PDE1C: variants seen among roughly 807,000 people sequenced by gnomAD.
The protein encoded by PDE1C is phosphodiesterase 1C.
PDE1C carries 62 observed loss-of-function variants against 93.1 expected under a neutral mutation model. That is an observed-to-expected ratio of 0.67 (90% confidence interval 0.54 to 0.82). The LOEUF (loss-of-function observed/expected upper bound fraction) is 0.82. Among genes scored for constraint, PDE1C ranks in the 40% least tolerant of loss-of-function variants. The pLI is 0.00. For synonymous variants in PDE1C, 325 were observed against 310.1 expected (o/e 1.05, Z -0.50); for missense variants, 742 against 884.6 (o/e 0.84, Z 2.04).
upstream of PDE1C, among the ~76,000 whole-genome samples, chr7:32,074,004 A>G (rs1450391002): frequency 3.3e-5 from 5 of 151,842 alleles, no homozygotes; most frequent in East Asian, 9.6e-4. Flanking sequence ...GCATACATAC[A>G]TACATATATA....
chr7:31,847,700 T>C (rs2128794294), intron 9 of PDE1C, among the ~76,000 whole-genome samples: 1 of 152,264 alleles, frequency 6.6e-6, no homozygotes, highest in Non-Finnish European at 1.5e-5. Context: ...AAAAGCAATG[T>C]AAAGATGGCA....
chr7:31,970,818 G>A lies in PDE1C; in HGVS notation c.128+80736C>T, dbSNP rs922232195. Among the ~76,000 whole-genome samples, 4 of 152,304 alleles carry A rather than the reference G, an allele frequency of 2.6e-5. No individual in the cohort carries two copies. In the East Asian group the frequency reaches 7.7e-4, roughly 29 times the overall value. On this transcript the variant is annotated intron_variant, in intron 2 of 17. Coordinates refer to ENST00000396191, the MANE Select transcript of PDE1C (RefSeq NM_001191057.4). ...ACATGAGCTGTGTAGCATAATGTTT[G>A]TTTTCCATGTTGATCTGCAAAAGAG... is the stretch of plus-strand genomic sequence containing the variant.
chr7:32,149,527 T>C (rs1432574259), intron 3 of PDE1C, among the ~76,000 whole-genome samples: 2 of 152,222 alleles, frequency 1.3e-5, no homozygotes, highest in East Asian at 1.9e-4. Context: ...TTATATTACA[T>C]TGCAAAAACA....
At chr7:31,773,159 T>TGTTACACA in intron 17 of PDE1C, among the ~76,000 whole-genome samples, 1 of 152,322 alleles carries the variant, frequency 6.6e-6, no homozygotes, top group African/African-American at 2.4e-5. Context: ...TAATTATGTC[T>TGTTACACA]GGTGTTTTGA....
intron 1 of PDE1C, among the ~76,000 whole-genome samples, chr7:32,221,012 C>T (rs1806818372): frequency 2.6e-5 from 4 of 152,114 alleles, no homozygotes; most frequent in Admixed American, 1.3e-4. Context: ...TGCCATCCTT[C>T]CAGAGGTCTT....
chr7:31,688,295 G>A, the PDE1C span, among the ~76,000 whole-genome samples: 1 of 152,310 alleles, frequency 6.6e-6, no homozygotes, highest in South Asian at 2.1e-4. Flanking sequence ...GCTAGAGAGT[G>A]GTACAAGCAG....
chr7:32,161,460 T>G (rs1469055872), intron 3 of PDE1C, among the ~76,000 whole-genome samples: 1 of 152,212 alleles, frequency 6.6e-6, no homozygotes, highest in East Asian at 1.9e-4. Flanking sequence ...TCCCTGTAAG[T>G]CTACAGGTTG....
intron 3 of PDE1C, among the ~76,000 whole-genome samples, chr7:32,157,583 T>C (rs11973919): frequency 0.17 from 26,303 of 151,940 alleles, 2,306 homozygotes; most frequent in Middle Eastern, 0.21. Context: ...TATTGGGACA[T>C]TTGGTGAAAT....
At chr7:32,145,832 G>T (rs573706278) in intron 3 of PDE1C, among the ~76,000 whole-genome samples, 1 of 152,174 alleles carries the variant, frequency 6.6e-6, no homozygotes, top group East Asian at 1.9e-4. Context: ...ACACAAAGTG[G>T]CAGAGGCAGG....
intron 1 of PDE1C, among the ~76,000 whole-genome samples, chr7:32,371,277 G>A (rs1376165250): frequency 2.6e-5 from 4 of 152,034 alleles, no homozygotes. Context: ...CTTCCTCAGG[G>A]AAACCTCCCT....
At chr7:31,942,316 G>A (rs1317676817) in intron 2 of PDE1C, among the ~76,000 whole-genome samples, 2 of 152,036 alleles carry the variant, frequency 1.3e-5, no homozygotes, top group Admixed American at 1.3e-4. Context: ...CAGTTTCAGG[G>A]TCACTAGCTC....
At chr7:31,768,266 T>C (rs1369352891) in intron 17 of PDE1C, among the ~76,000 whole-genome samples, 1 of 152,146 alleles carries the variant, frequency 6.6e-6, no homozygotes, top group Non-Finnish European at 1.5e-5. Context: ...GCTGAATAAA[T>C]GCTAAGAAGG....
At chr7:32,078,515 C>T (rs1563291709) in intron 3 of PDE1C, among the ~76,000 whole-genome samples, 1 of 152,110 alleles carries the variant, frequency 6.6e-6, no homozygotes, top group Non-Finnish European at 1.5e-5. Flanking sequence ...GTGGAAAGGT[C>T]CACAGCAGCC....
At chr7:31,971,435 TTCC>T (rs1810945612) in intron 2 of PDE1C, among the ~76,000 whole-genome samples, 1 of 152,178 alleles carries the variant, frequency 6.6e-6, no homozygotes, top group Non-Finnish European at 1.5e-5. Flanking sequence ...GCAGCTCAGT[TTCC>T]TCATCAATCA....
intron 2 of PDE1C, among the ~76,000 whole-genome samples, chr7:31,921,742 A>G (rs1445788832): frequency 6.6e-6 from 1 of 152,218 alleles, no homozygotes; most frequent in Admixed American, 6.5e-5. Context: ...GCATAACCAG[A>G]TATCTATTTT....
At chr7:31,901,122 GTAGCATTA>G (rs1292866758) in intron 2 of PDE1C, among the ~76,000 whole-genome samples, 2 of 115,996 alleles carry the variant, frequency 1.7e-5, no homozygotes, top group Non-Finnish European at 3.7e-5. Flanking sequence ...ATGCCCTCTA[GTAGCATTA>G]TTTACAAAAA....
At chr7:31,785,699 C>T (rs538691890) in intron 16 of PDE1C, 10 of 152,210 alleles carry the variant, frequency 6.6e-5, no homozygotes, top group South Asian at 6.2e-4. Context: ...GGCCTGCTTC[C>T]CATTTTTCTA....
intron 1 of PDE1C, among the ~76,000 whole-genome samples, chr7:32,418,173 C>T (rs924664325): frequency 6.6e-6 from 1 of 152,196 alleles, no homozygotes; most frequent in African/African-American, 2.4e-5. Flanking sequence ...GAAACTTCCT[C>T]AGTACTATGG....
chr7:31,882,665 A>T (rs1289582938), intron 2 of PDE1C, among the ~76,000 whole-genome samples: 1 of 152,244 alleles, frequency 6.6e-6, no homozygotes, highest in Non-Finnish European at 1.5e-5. Flanking sequence ...TAAACTTCTT[A>T]AAAATGCCTC....
Sources: allele counts gnomAD v4.1 joint callset (sites outside exome capture counted in the v4.1 genomes callset), GRCh38; gene constraint gnomAD v4.1.1; transcripts MANE v1.5; gene names NCBI Gene and HGNC (gene_info 2026-07-23, HGNC 2026-07-21).